SNTG2: variants seen among roughly 807,000 people sequenced by gnomAD.
SNTG2 encodes syntrophin gamma 2, also known as gamma-2-syntrophin.
SNTG2 carries 74 observed loss-of-function variants against 70.9 expected under a neutral mutation model. The ratio of observed to expected loss-of-function variants is 1.04; its 90% confidence interval spans 0.86 to 1.27. The LOEUF (loss-of-function observed/expected upper bound fraction) is 1.27, where lower values mean the gene tolerates loss of function less well. Among genes scored for constraint, SNTG2 ranks in the 50% most tolerant of loss-of-function variants. The pLI is 0.00. For missense variants in SNTG2, 717 were observed against 690.7 expected (o/e 1.04, Z -0.43); for synonymous variants, 278 against 273.8 (o/e 1.02, Z -0.15).
chr2:1,050,700 T>A (rs1046638702), intron 1 of SNTG2, among the ~76,000 whole-genome samples: 1 of 152,220 alleles, frequency 6.6e-6, no homozygotes, highest in African/African-American at 2.4e-5. Flanking sequence ...TGACTTATTC[T>A]AGGATTATTA....
At chr2:1,114,448 G>T (rs1271886528) in intron 4 of SNTG2, among the ~76,000 whole-genome samples, 1 of 152,064 alleles carries the variant, frequency 6.6e-6, no homozygotes, top group Non-Finnish European at 1.5e-5. Flanking sequence ...AGTCCTTTAA[G>T]GAGGATCTTT....
At chr2:1,259,837 T>G (rs1355690195) in intron 13 of SNTG2, among the ~76,000 whole-genome samples, 1 of 152,262 alleles carries the variant, frequency 6.6e-6, no homozygotes, top group Admixed American at 6.5e-5. Context: ...CTGGCCAGTT[T>G]GCTGCTCATG....
chr2:1,219,890 C>T (rs936261854), intron 9 of SNTG2: 15 of 152,054 alleles, frequency 9.9e-5, no homozygotes, highest in African/African-American at 3.6e-4. Flanking sequence ...AGGCACTCAC[C>T]TTATTTCAGA....
At chr2:1,273,834 A>G (rs1679157990) in intron 14 of SNTG2, among the ~76,000 whole-genome samples, 1 of 152,110 alleles carries the variant, frequency 6.6e-6, no homozygotes, top group South Asian at 2.1e-4. Context: ...AGCAACTATT[A>G]TTTGAAAAAC....
At chr2:985,386 G>C (rs974588259) in intron 1 of SNTG2, among the ~76,000 whole-genome samples, 2 of 152,068 alleles carry the variant, frequency 1.3e-5, no homozygotes, top group Non-Finnish European at 2.9e-5. Context: ...AAAATAGAAG[G>C]GTTTGTGTGA....
chr2:1,106,311 G>A (rs1184462581), intron 4 of SNTG2, among the ~76,000 whole-genome samples: 3 of 123,062 alleles, frequency 2.4e-5, no homozygotes, highest in African/African-American at 9.6e-5. Flanking sequence ...GCAGGGTATG[G>A]AGAGCTCCTT....
At chr2:1,179,172 C>G (rs540072958) in intron 8 of SNTG2, among the ~76,000 whole-genome samples, 1 of 152,052 alleles carries the variant, frequency 6.6e-6, no homozygotes, top group African/African-American at 2.4e-5. Context: ...TTTTTTATTG[C>G]ATCTATTTGA....
At chr2:1,016,181 A>T (rs2148002428) in intron 1 of SNTG2, among the ~76,000 whole-genome samples, 1 of 152,156 alleles carries the variant, frequency 6.6e-6, no homozygotes, top group Middle Eastern at 3.4e-3. Flanking sequence ...TAAAAAAAAA[A>T]GTGTATAACT....
intron 1 of SNTG2, among the ~76,000 whole-genome samples, chr2:1,021,013 C>CAGAG (rs1660138396): frequency 6.6e-6 from 1 of 152,104 alleles, no homozygotes; most frequent in Non-Finnish European, 1.5e-5. Context: ...AATAGCTTTT[C>CAGAG]CTCATCAACT....
chr2:1,271,159 A>G (rs1678999535), intron 14 of SNTG2, among the ~76,000 whole-genome samples: 1 of 152,176 alleles, frequency 6.6e-6, no homozygotes, highest in African/African-American at 2.4e-5. Flanking sequence ...AGTTATCCAG[A>G]ATTCAGTGTC....
At chr2:1,112,122 A>G (rs1238695719) in intron 4 of SNTG2, among the ~76,000 whole-genome samples, 2 of 143,498 alleles carry the variant, frequency 1.4e-5, no homozygotes, top group African/African-American at 5.3e-5. Context: ...GAGGATAATC[A>G]TGTATACTAA....
intron 14 of SNTG2, among the ~76,000 whole-genome samples, chr2:1,284,100 T>C (rs13411595): frequency 0.38 from 58,381 of 151,864 alleles, 11,340 homozygotes; most frequent in Middle Eastern, 0.48. Flanking sequence ...GATGCTGGAG[T>C]AGGGAGCGGG....
intron 14 of SNTG2, among the ~76,000 whole-genome samples, chr2:1,301,682 C>T (rs577571869): frequency 2.7e-4 from 41 of 152,042 alleles, no homozygotes; most frequent in African/African-American, 8.4e-4. Context: ...AGGGAGTGTC[C>T]CAATATTGTT....
At chr2:1,222,139 C>CTCTGTCTCTCTCTGTCTCTCTCTG (rs1553362404) in intron 9 of SNTG2, among the ~76,000 whole-genome samples, 3 of 116,092 alleles carry the variant, frequency 2.6e-5, no homozygotes, top group Admixed American at 9.3e-5. Flanking sequence ...CTCTCTGTCT[C>CTCTGTCTCTCTCTGTCTCTCTCTG]TCTCTGTCTC....
In SNTG2 at chr2:950,932, C is replaced by A; in HGVS notation, c.-65C>A. On this transcript the variant is annotated 5_prime_UTR_variant, in exon 1 of 17. Transcript: ENST00000308624. ...CGGCGCCTGGCGGGGCCCTGGGAGG[C>A]TCGGACGGGGTCCTGGCGTTGAGCT... is the stretch of plus-strand genomic sequence containing the variant. The A allele has an allele frequency of 2.3e-6, 2 of 861,062 alleles. No homozygotes were observed. The highest frequency in any genetic ancestry group is 3.0e-6 in the Non-Finnish European group (2 of 663,452). 53.3% of individuals were successfully genotyped at this position (861,062 alleles called of 1,614,324 possible). A position where few individuals can be genotyped will look rare whatever the true frequency, so the allele number is the denominator to read the frequency against.
At chr2:1,059,258 C>A (rs1662657079) in intron 1 of SNTG2, 1 of 152,062 alleles carries the variant, frequency 6.6e-6, no homozygotes, top group African/African-American at 2.4e-5. Context: ...TTCTACAAAC[C>A]TGTTTTTAGA....
chr2:964,650 T>G (rs1375156023), intron 1 of SNTG2, among the ~76,000 whole-genome samples: 1 of 152,166 alleles, frequency 6.6e-6, no homozygotes, highest in Non-Finnish European at 1.5e-5. Context: ...AAGCCTCCCC[T>G]GTGGGGAAGA....
chr2:972,944 C>G (rs551164142), intron 1 of SNTG2, among the ~76,000 whole-genome samples: 1 of 152,164 alleles, frequency 6.6e-6, no homozygotes, highest in Non-Finnish European at 1.5e-5. Context: ...TGAGAACAGA[C>G]TAATACAAGT....
At chr2:1,307,918 G>A (rs915130236) in intron 14 of SNTG2, among the ~76,000 whole-genome samples, 4 of 152,216 alleles carry the variant, frequency 2.6e-5, no homozygotes, top group Non-Finnish European at 4.4e-5. Flanking sequence ...CACCGGCCGC[G>A]GGTGGGATGC....
Sources: allele counts gnomAD v4.1 joint callset (sites outside exome capture counted in the v4.1 genomes callset), GRCh38; gene constraint gnomAD v4.1.1; transcripts MANE v1.5; gene names NCBI Gene and HGNC (gene_info 2026-07-23, HGNC 2026-07-21).